Variants in PDE7B observed in about 807,000 individuals in gnomAD.
PDE7B encodes phosphodiesterase 7B.
A neutral mutation model predicts 56.2 loss-of-function variants in PDE7B; 29 were observed. The observed-to-expected ratio is 0.52, with a 90% CI of 0.38 to 0.70. PDE7B has a LOEUF of 0.70. PDE7B is among the 30% of genes least tolerant of loss of function. The pLI, the probability that PDE7B is intolerant of heterozygous loss-of-function variation, is 0.00. For synonymous variants in PDE7B, 197 were observed against 196.9 expected, an observed-to-expected ratio of 1.00 and a Z score of 0.00; for missense variants, 490 against 565.0, an observed-to-expected ratio of 0.87 and a Z score of 1.35.
intron 2 of PDE7B, among the ~76,000 whole-genome samples, chr6:135,948,926 G>A (rs1477158656): frequency 6.6e-6 from 1 of 150,912 alleles, no homozygotes; most frequent in East Asian, 1.9e-4. Flanking sequence ...CAGACAGACA[G>A]ACAAAACAGG....
At chr6:136,017,734 A>G (rs1776001717) in intron 2 of PDE7B, among the ~76,000 whole-genome samples, 1 of 152,156 alleles carries the variant, frequency 6.6e-6, no homozygotes, top group African/African-American at 2.4e-5. Context: ...TACACCAAAG[A>G]TGGGTGTTAT....
At chr6:135,882,891 A>T (rs191719514) in intron 1 of PDE7B, among the ~76,000 whole-genome samples, 1 of 152,328 alleles carries the variant, frequency 6.6e-6, no homozygotes, top group African/African-American at 2.4e-5. Flanking sequence ...AAAGTTTTCT[A>T]TTACAAAGAG....
intron 2 of PDE7B, among the ~76,000 whole-genome samples, chr6:135,954,089 C>A (rs933947766): frequency 6.6e-6 from 1 of 152,124 alleles, no homozygotes; most frequent in Non-Finnish European, 1.5e-5. Context: ...CATCACTCAC[C>A]CAAGGCCCTG....
rs567876891 is a variant in PDE7B, at chr6:136,164,390, A to G, written c.711+8632A>G. ...TCCTGTCACATGTATGGATTATAGG[A>G]ACTACAATTCAAGATGAGATTTGGA... On this transcript the variant is annotated intron_variant, in intron 8 of 12. Coordinates refer to ENST00000308191, the MANE Select transcript of PDE7B (RefSeq NM_018945.4). 2.2e-4 allele frequency among the ~76,000 whole-genome samples: 34 copies of G among 152,288 alleles called. 1 individual carries two copies. The Middle Eastern group carries it at 0.01, about 46-fold the overall frequency.
chr6:135,994,037 C>T (rs1002591226), intron 2 of PDE7B, among the ~76,000 whole-genome samples: 2 of 151,864 alleles, frequency 1.3e-5, no homozygotes, highest in African/African-American at 4.8e-5. Context: ...TTTTAAACTA[C>T]CCCTTCCTTT....
chr6:136,172,465 G>A (rs57072375), intron 8 of PDE7B, among the ~76,000 whole-genome samples: 15,498 of 152,032 alleles, frequency 0.1, 2,592 homozygotes, highest in African/African-American at 0.35. Context: ...CATGTCCTTC[G>A]CCCACTTTTT....
intron 1 of PDE7B, among the ~76,000 whole-genome samples, chr6:135,872,838 A>G (rs969433075): frequency 6.6e-6 from 1 of 152,160 alleles, no homozygotes; most frequent in Non-Finnish European, 1.5e-5. Context: ...ACCTTGGAAA[A>G]CATAACCTTA....
At chr6:136,133,904 G>T (rs541207362) in intron 3 of PDE7B, among the ~76,000 whole-genome samples, 3 of 152,252 alleles carry the variant, frequency 2.0e-5, no homozygotes, top group South Asian at 4.1e-4. Flanking sequence ...GAAAACTCTG[G>T]GGGATGTGGC....
chr6:136,048,392 G>A (rs1776558870), intron 2 of PDE7B, among the ~76,000 whole-genome samples: 1 of 152,042 alleles, frequency 6.6e-6, no homozygotes, highest in South Asian at 2.1e-4. Flanking sequence ...CGTGGTGGTG[G>A]GTGCCTGTAA....
intron 1 of PDE7B, among the ~76,000 whole-genome samples, chr6:135,879,502 A>G (rs1775564979): frequency 6.6e-6 from 1 of 152,202 alleles, no homozygotes; most frequent in South Asian, 2.1e-4. Context: ...TCATTAGCCA[A>G]GGCATACTCT....
At chr6:136,124,678 C>T (rs1190015614) in intron 3 of PDE7B, among the ~76,000 whole-genome samples, 1 of 152,178 alleles carries the variant, frequency 6.6e-6, no homozygotes, top group Non-Finnish European at 1.5e-5. Context: ...TTGTTCATTG[C>T]TATATCCTAG....
chr6:136,076,858 G>T (rs570851316), intron 2 of PDE7B, among the ~76,000 whole-genome samples: 6 of 152,196 alleles, frequency 3.9e-5, no homozygotes, highest in African/African-American at 9.6e-5. Context: ...TGTACTAAAC[G>T]ACAGCACCTA....
Position 136,056,512 on chromosome 6 carries a change from C to CTTTTTTTTT in PDE7B, c.83-52190_83-52182dup, listed in dbSNP as rs542232291. 1.5e-4 allele frequency among the ~76,000 whole-genome samples: 8 copies of CTTTTTTTTT among 53,942 alleles called. 2 individuals are homozygous for CTTTTTTTTT. Among genetic ancestry groups the CTTTTTTTTT allele is most frequent in the African/African-American group, 6.7e-4 (7 of 10,486 alleles). The allele number at this position is 53,942 out of a possible 152,430, so 35.4% of individuals were successfully genotyped here. On this transcript the variant is annotated intron_variant, in intron 2 of 12. Transcript: ENST00000308191. ...TCTGAGCTCCTTTGCAGATAGAATC[C>CTTTTTTTTT]TTTTTTTTTTTTTTTTTTTTTTTTT...
chr6:135,909,586 A>G (rs1776175377), intron 1 of PDE7B, among the ~76,000 whole-genome samples: 1 of 152,200 alleles, frequency 6.6e-6, no homozygotes, highest in Non-Finnish European at 1.5e-5. Flanking sequence ...AGCCTGGGCC[A>G]CAGAATGAGA....
At chr6:135,931,321 C>T (rs1370373740) in intron 1 of PDE7B, among the ~76,000 whole-genome samples, 4 of 152,050 alleles carry the variant, frequency 2.6e-5, no homozygotes, top group South Asian at 2.1e-4. Context: ...TTATCCAATG[C>T]GAGTGATAGC....
At chr6:135,900,673 T>C (rs1012222902) in intron 1 of PDE7B, among the ~76,000 whole-genome samples, 7 of 152,158 alleles carry the variant, frequency 4.6e-5, no homozygotes, top group African/African-American at 1.7e-4. Flanking sequence ...ATATCTTCTT[T>C]TAGCCATGAC....
chr6:135,879,691 G>A (rs1049482538), intron 1 of PDE7B, among the ~76,000 whole-genome samples: 36 of 152,248 alleles, frequency 2.4e-4, no homozygotes, highest in African/African-American at 8.4e-4. Flanking sequence ...CAGTTGGAGA[G>A]GCAAACTATA....
intron 2 of PDE7B, among the ~76,000 whole-genome samples, chr6:135,955,193 C>T (rs1774768185): frequency 6.6e-6 from 1 of 152,040 alleles, no homozygotes; most frequent in African/African-American, 2.4e-5. Context: ...CCTCAGCAAG[C>T]TCCCAATCTA....
chr6:136,087,425 C>A (rs972775674), intron 2 of PDE7B, among the ~76,000 whole-genome samples: 6 of 151,156 alleles, frequency 4.0e-5, no homozygotes, highest in Non-Finnish European at 5.9e-5. Context: ...TACTTCCAAG[C>A]AAAGAAAGAA....
Sources: gnomAD v4.1 joint callset for allele counts (sites outside exome capture counted in the v4.1 genomes callset) on GRCh38, gnomAD v4.1.1 for gene constraint, MANE v1.5 for transcripts, NCBI Gene and HGNC (gene_info 2026-07-23, HGNC 2026-07-21) for gene names.